Variants in CFAP90 observed in about 807,000 individuals in gnomAD.
The protein encoded by CFAP90 is cilia and flagella associated protein 90.
the CFAP90 span, chr5:7,831,764 AAGG>A: frequency 7.5e-7 from 1 of 1,329,204 alleles, no homozygotes; most frequent in Non-Finnish European, 1.1e-6. Context: ...GAGAAGGGGA[AAGG>A]AGGCTCCAGA....
At chr5:7,831,159 C>T in the CFAP90 span, 3 of 152,200 alleles carry the variant, frequency 2.0e-5, no homozygotes, top group Admixed American at 6.5e-5. Context: ...TGTTGAACAC[C>T]GAAATCTAGC....
At chr5:7,832,921 G>A in the CFAP90 span, among the ~76,000 whole-genome samples, 1 of 152,224 alleles carries the variant, frequency 6.6e-6, no homozygotes, top group African/African-American at 2.4e-5. Context: ...TGCACCACAT[G>A]TGCTGGTTAT....
chr5:7,843,613 T>C, the CFAP90 span, among the ~76,000 whole-genome samples: 2 of 152,072 alleles, frequency 1.3e-5, no homozygotes, highest in African/African-American at 4.8e-5. Context: ...GTCAATTGTT[T>C]TTCCTCTTCC....
chr5:7,837,052 G>C, the CFAP90 span, among the ~76,000 whole-genome samples: 1 of 151,988 alleles, frequency 6.6e-6, no homozygotes, highest in African/African-American at 2.4e-5. Flanking sequence ...AATCATAGGT[G>C]ATAAGTGTAA....
At chr5:7,851,045 C>T in the CFAP90 span, 1 of 1,238,090 alleles carries the variant, frequency 8.1e-7, no homozygotes, top group Non-Finnish European at 1.0e-6. Flanking sequence ...AGCGCCCCCG[C>T]CTTGGCCGCG....
At chr5:7,836,616 G>A in the CFAP90 span, among the ~76,000 whole-genome samples, 41 of 152,238 alleles carry the variant, frequency 2.7e-4, no homozygotes, top group African/African-American at 8.4e-4. Context: ...GATACAATGG[G>A]CTTGGAGAAG....
the CFAP90 span, among the ~76,000 whole-genome samples, chr5:7,844,303 A>G: frequency 6.6e-6 from 1 of 152,232 alleles, no homozygotes; most frequent in Non-Finnish European, 1.5e-5. Flanking sequence ...GGACAGGGAT[A>G]AGCAAAGCAG....
the CFAP90 span, chr5:7,830,750 A>T: frequency 9.9e-5 from 15 of 152,264 alleles, no homozygotes; most frequent in Middle Eastern, 3.2e-3. Flanking sequence ...CCACCTGCCC[A>T]TTCACTGCTA....
chr5:7,845,400 T>C, the CFAP90 span, among the ~76,000 whole-genome samples: 1 of 152,200 alleles, frequency 6.6e-6, no homozygotes, highest in Non-Finnish European at 1.5e-5. Context: ...AACAGTCAGC[T>C]TCTGTCCCCA....
the CFAP90 span, among the ~76,000 whole-genome samples, chr5:7,843,079 G>A: frequency 2.0e-5 from 3 of 152,114 alleles, no homozygotes; most frequent in Non-Finnish European, 4.4e-5. Context: ...TCCTCATCTT[G>A]AGGCTTTCCG....
At chr5:7,831,820 CGGACATGCCCTGTGGGCCACGGGGATG>C in the CFAP90 span, 1 of 1,588,748 alleles carries the variant, frequency 6.3e-7, no homozygotes, top group African/African-American at 1.3e-5. Flanking sequence ...CACAGGGTAT[CGGACATGCCCTGTGGGCCACGGGGATG>C]CTTCAGGATG....
At chr5:7,840,615 A>T in the CFAP90 span, among the ~76,000 whole-genome samples, 4 of 152,174 alleles carry the variant, frequency 2.6e-5, no homozygotes, top group African/African-American at 9.7e-5. Context: ...ACTGCACCAC[A>T]CTGCTGTACT....
At chr5:7,830,617 A>G in the CFAP90 span, 1 of 152,228 alleles carries the variant, frequency 6.6e-6, no homozygotes, top group South Asian at 2.1e-4. Flanking sequence ...ATAAAGAAAT[A>G]CTTAGGAGTC....
At chr5:7,850,779 C>G in the CFAP90 span, 15 of 1,165,292 alleles carry the variant, frequency 1.3e-5, no homozygotes, top group Admixed American at 6.7e-4. Flanking sequence ...CGCGGCCGCC[C>G]GCCCCTGCCC....
At chr5:7,849,566 C>T in the CFAP90 span, among the ~76,000 whole-genome samples, 3 of 152,140 alleles carry the variant, frequency 2.0e-5, no homozygotes, top group Admixed American at 2.0e-4. Context: ...CAAGACAAAC[C>T]GGGGACATTT....
At chr5:7,831,445 T>G in the CFAP90 span, 1 of 163,526 alleles carries the variant, frequency 6.1e-6, no homozygotes, top group African/African-American at 2.4e-5. Flanking sequence ...CAACTGCACC[T>G]CACTCCTGTG....
chr5:7,843,781 T>G, the CFAP90 span, among the ~76,000 whole-genome samples: 3 of 152,360 alleles, frequency 2.0e-5, no homozygotes, highest in Admixed American at 2.0e-4. Flanking sequence ...CTTGTGTCAT[T>G]TGCTTGTACC....
At chr5:7,833,693 A>G in the CFAP90 span, among the ~76,000 whole-genome samples, 3 of 152,222 alleles carry the variant, frequency 2.0e-5, no homozygotes, top group African/African-American at 7.2e-5. Context: ...ATACACATAC[A>G]GTCATGTGCC....
the CFAP90 span, chr5:7,851,018 C>T: frequency 8.0e-7 from 1 of 1,256,592 alleles, no homozygotes; most frequent in Non-Finnish European, 1.0e-6. Flanking sequence ...TCGTCGTCCT[C>T]CATGCCGCCA....
Sources: allele counts gnomAD v4.1 joint callset (sites outside exome capture counted in the v4.1 genomes callset), GRCh38; gene constraint gnomAD v4.1.1; transcripts MANE v1.5; gene names NCBI Gene and HGNC (gene_info 2026-07-23, HGNC 2026-07-21).